Variants in PLGRKT observed in about 807,000 individuals in gnomAD.
PLGRKT encodes plasminogen receptor (KT).
PLGRKT carries 22 observed loss-of-function variants against 18.5 expected under a neutral mutation model. The observed-to-expected ratio is 1.19, with a 90% CI of 0.85 to 1.70. PLGRKT has a LOEUF of 1.70. Ranked by LOEUF, PLGRKT falls within the 40% of genes most tolerant of loss-of-function variation. PLGRKT has a pLI of 0.00. For synonymous variants in PLGRKT, 72 were observed against 52.8 expected, an observed-to-expected ratio of 1.36 and a Z score of -1.58; for missense variants, 235 against 174.4, an observed-to-expected ratio of 1.35 and a Z score of -1.96.
At chr9:5,414,360 G>T (rs906853968) in intron 3 of PLGRKT, among the ~76,000 whole-genome samples, 1 of 152,164 alleles carries the variant, frequency 6.6e-6, no homozygotes, top group East Asian at 1.9e-4. Flanking sequence ...AGAGACGGAG[G>T]TTTCACCATG....
intron 3 of PLGRKT, among the ~76,000 whole-genome samples, chr9:5,395,068 A>T (rs1357671620): frequency 6.6e-6 from 1 of 151,254 alleles, no homozygotes; most frequent in East Asian, 1.9e-4. Context: ...CACTCAAAAT[A>T]TTACACTTAG....
intron 3 of PLGRKT, among the ~76,000 whole-genome samples, chr9:5,425,970 A>G (rs529641678): frequency 1.3e-5 from 2 of 152,324 alleles, no homozygotes; most frequent in Non-Finnish European, 2.9e-5. Flanking sequence ...ATTAAATTTA[A>G]AAATAGCCAA....
chr9:5,389,201 A>C lies in PLGRKT; in HGVS notation c.82-27313T>G, dbSNP rs1164621699. On this transcript the variant is annotated intron_variant, in intron 3 of 5. Transcript: ENST00000223864. Reference sequence around the variant, plus strand: ...GATTTACTTAGAAGCAGGAAGAAAAAAGCAGGCAACAGTGAAAAATAGTAA... The same window carrying C: ...GATTTACTTAGAAGCAGGAAGAAAACAGCAGGCAACAGTGAAAAATAGTAA... 3.3e-5 allele frequency among the ~76,000 whole-genome samples: 5 copies of C among 151,942 alleles called. 1 individual carries two copies. Among genetic ancestry groups the C allele is most frequent in the African/African-American group, 1.2e-4 (5 of 41,214 alleles).
intron 3 of PLGRKT, among the ~76,000 whole-genome samples, chr9:5,424,548 A>ATC (rs1818648596): frequency 7.5e-6 from 1 of 133,286 alleles, no homozygotes; most frequent in Admixed American, 8.2e-5. Context: ...ATATGTTAAT[A>ATC]TGTTTATATA....
intron 3 of PLGRKT, among the ~76,000 whole-genome samples, chr9:5,408,084 C>A (rs973424029): frequency 6.6e-6 from 1 of 151,796 alleles, no homozygotes; most frequent in African/African-American, 2.4e-5. Context: ...TTTGGAGGGG[C>A]AAGAAAAAAA....
At chr9:5,359,418 G>A (rs1279194000) in intron 5 of PLGRKT, among the ~76,000 whole-genome samples, 1 of 152,046 alleles carries the variant, frequency 6.6e-6, no homozygotes, top group African/African-American at 2.4e-5. Context: ...AATTATAAGA[G>A]CATTTCAATC....
intron 3 of PLGRKT, among the ~76,000 whole-genome samples, chr9:5,381,677 C>A (rs1055811882): frequency 5.0e-5 from 7 of 139,858 alleles, no homozygotes; most frequent in Admixed American, 5.0e-4. Flanking sequence ...ATCTAAAACA[C>A]GCTTTAAAAG....
chr9:5,418,745 T>C lies in PLGRKT; in HGVS notation c.81+13152A>G. ...TGCTCCGAAGCGTGTGGAATGGTGA[T>C]GACAGCCAGGACCTCGGGGTCGTCG... is the stretch of plus-strand genomic sequence containing the variant. On this transcript the variant is annotated intron_variant, in intron 3 of 5. Transcript: ENST00000223864. This position sits in a 1 kb window ranked among gnomAD's most constrained non-coding sequence, Gnocchi z 4.2. 2 of 689,238 alleles carry C rather than the reference T, an allele frequency of 2.9e-6. No homozygotes were observed. Among genetic ancestry groups the C allele is most frequent in the Admixed American group, 4.3e-5 (2 of 46,788 alleles). 42.7% of individuals were successfully genotyped at this position (689,238 alleles called of 1,614,324 possible).
At chr9:5,419,958 G>C (rs1818543225) in intron 3 of PLGRKT, among the ~76,000 whole-genome samples, 1 of 152,112 alleles carries the variant, frequency 6.6e-6, no homozygotes, top group Non-Finnish European at 1.5e-5. Flanking sequence ...ATATCCAAAA[G>C]GTAGAAACAA....
chr9:5,390,288 AAAAACCAC>A (rs1301735911), intron 3 of PLGRKT, among the ~76,000 whole-genome samples: 1 of 151,510 alleles, frequency 6.6e-6, no homozygotes, highest in Admixed American at 6.6e-5. Context: ...ATTAGGCCTG[AAAAACCAC>A]AAAACTGCCA....
intron 3 of PLGRKT, among the ~76,000 whole-genome samples, chr9:5,402,690 G>C (rs1818178213): frequency 6.6e-6 from 1 of 151,930 alleles, no homozygotes; most frequent in Non-Finnish European, 1.5e-5. Flanking sequence ...AACAGAGAAT[G>C]TTCAGGTCTC....
intron 3 of PLGRKT, among the ~76,000 whole-genome samples, chr9:5,391,441 C>T (rs1294673300): frequency 6.6e-6 from 1 of 151,918 alleles, no homozygotes; most frequent in East Asian, 1.9e-4. Flanking sequence ...GATTTCATAT[C>T]AGAAAATTCC....
intron 3 of PLGRKT, among the ~76,000 whole-genome samples, chr9:5,362,550 T>C (rs966082613): frequency 4.6e-5 from 7 of 152,192 alleles, no homozygotes; most frequent in African/African-American, 1.7e-4. Context: ...AAGCCCATTA[T>C]TTGAAGAGAG....
intron 3 of PLGRKT, among the ~76,000 whole-genome samples, chr9:5,378,494 G>A (rs1230317993): frequency 6.6e-6 from 1 of 152,172 alleles, no homozygotes; most frequent in Non-Finnish European, 1.5e-5. Flanking sequence ...TAAACCAGAA[G>A]TAAAAAGATC....
At chr9:5,407,211 C>T (rs1160868659) in intron 3 of PLGRKT, among the ~76,000 whole-genome samples, 1 of 152,074 alleles carries the variant, frequency 6.6e-6, no homozygotes, top group Admixed American at 6.5e-5. Context: ...AATTCAGATG[C>T]TAAATGACAA....
chr9:5,392,170 A>T (rs1301659984), intron 3 of PLGRKT, among the ~76,000 whole-genome samples: 2 of 151,886 alleles, frequency 1.3e-5, no homozygotes, highest in Non-Finnish European at 2.9e-5. Flanking sequence ...AATAGCAGTT[A>T]TATTATCTGG....
At chr9:5,385,322 G>C (rs1369406300) in intron 3 of PLGRKT, among the ~76,000 whole-genome samples, 1 of 151,602 alleles carries the variant, frequency 6.6e-6, no homozygotes, top group Non-Finnish European at 1.5e-5. Context: ...GAGTTGAAAA[G>C]GACATCTTGG....
In PLGRKT at chr9:5,418,984, C is replaced by A; in HGVS notation, c.81+12913G>T. The A allele has an allele frequency of 1.5e-6, 1 of 647,652 alleles. No homozygotes were observed. The highest frequency in any genetic ancestry group is 2.6e-6 in the Non-Finnish European group (1 of 390,888). The allele number at this position is 647,652 out of a possible 1,614,324, so 40.1% of individuals were successfully genotyped here. ...CTGGGACAGCGTCTCCATGGTGGAC[C>A]CTGAGCAGGAAGGGCAAGGCCAAGG... On this transcript the variant is annotated intron_variant, in intron 3 of 5. Transcript: ENST00000223864. The surrounding 1 kb of genome is among the most constrained non-coding windows in gnomAD (Gnocchi z 4.2).
chr9:5,401,249 T>C (rs1483344226), intron 3 of PLGRKT, among the ~76,000 whole-genome samples: 1 of 151,538 alleles, frequency 6.6e-6, no homozygotes, highest in East Asian at 1.9e-4. Flanking sequence ...ATCAAAGACA[T>C]AAAGAAATAA....
Sources: allele counts gnomAD v4.1 joint callset (sites outside exome capture counted in the v4.1 genomes callset), GRCh38; gene constraint gnomAD v4.1.1; non-coding constraint Gnocchi (gnomAD v3.1); transcripts MANE v1.5; gene names NCBI Gene and HGNC (gene_info 2026-07-23, HGNC 2026-07-21).